Variants in SCHIP1 observed in about 807,000 individuals in gnomAD.
The protein encoded by SCHIP1 is schwannomin interacting protein 1.
In SCHIP1, 8 loss-of-function variants were observed where a neutral mutation model predicts 29.7. The ratio of observed to expected loss-of-function variants is 0.27; its 90% CI spans 0.16 to 0.49. The LOEUF (loss-of-function observed/expected upper bound fraction) is 0.49. SCHIP1 is among the 20% of genes least tolerant of loss of function. The pLI is 0.99. For missense variants in SCHIP1, 193 were observed against 294.6 expected, an observed-to-expected ratio of 0.66 and a Z score of 2.52; for synonymous variants, 76 against 94.9, an observed-to-expected ratio of 0.80 and a Z score of 1.16.
At chr3:159,564,865 G>A in the SCHIP1 span, among the ~76,000 whole-genome samples, 1 of 152,174 alleles carries the variant, frequency 6.6e-6, no homozygotes, top group Non-Finnish European at 1.5e-5. Context: ...GAATTTTGAT[G>A]GACATTTGGT....
At chr3:159,493,171 G>T in the SCHIP1 span, among the ~76,000 whole-genome samples, 1 of 152,128 alleles carries the variant, frequency 6.6e-6, no homozygotes, top group Non-Finnish European at 1.5e-5. Context: ...AGACCATCAA[G>T]GCTAGGAAGA....
the SCHIP1 span, among the ~76,000 whole-genome samples, chr3:159,643,444 G>A: frequency 2.0e-5 from 3 of 151,982 alleles, no homozygotes; most frequent in East Asian, 5.8e-4. Flanking sequence ...TTTACAACAG[G>A]AGCCATTACT....
the SCHIP1 span, among the ~76,000 whole-genome samples, chr3:159,657,040 G>A: frequency 4.6e-5 from 7 of 151,960 alleles, no homozygotes; most frequent in African/African-American, 1.5e-4. Context: ...TGCCAATCTC[G>A]AATGCACACA....
the SCHIP1 span, among the ~76,000 whole-genome samples, chr3:159,640,027 A>G: frequency 6.6e-6 from 1 of 152,208 alleles, no homozygotes; most frequent in East Asian, 1.9e-4. Context: ...TTTAGTACAA[A>G]GCAAGTATCT....
At chr3:159,397,654 C>G in the SCHIP1 span, among the ~76,000 whole-genome samples, 308 of 152,274 alleles carry the variant, frequency 2.0e-3, no homozygotes, top group African/African-American at 6.8e-3. Context: ...GTCAGGGACC[C>G]ACTTGAGGAG....
the SCHIP1 span, among the ~76,000 whole-genome samples, chr3:159,555,534 T>G: frequency 6.6e-6 from 1 of 152,248 alleles, no homozygotes; most frequent in African/African-American, 2.4e-5. Context: ...GGGTAATTTG[T>G]AACCCATCTA....
the SCHIP1 span, among the ~76,000 whole-genome samples, chr3:159,584,030 C>A: frequency 6.6e-6 from 1 of 152,156 alleles, no homozygotes; most frequent in African/African-American, 2.4e-5. Context: ...ATAATTCAGA[C>A]CTCATCTTGC....
chr3:159,362,705 C>G, the SCHIP1 span, among the ~76,000 whole-genome samples: 3 of 152,304 alleles, frequency 2.0e-5, no homozygotes, highest in Admixed American at 6.5e-5. Context: ...GGATTTCCCC[C>G]CCGGCCATGA....
the SCHIP1 span, among the ~76,000 whole-genome samples, chr3:159,785,441 C>T: frequency 6.6e-6 from 1 of 152,286 alleles, no homozygotes; most frequent in East Asian, 1.9e-4. Flanking sequence ...ATGTTTCCTT[C>T]TTCCTACATA....
the SCHIP1 span, among the ~76,000 whole-genome samples, chr3:159,382,508 T>G: frequency 2.6e-5 from 4 of 152,190 alleles, no homozygotes; most frequent in South Asian, 8.3e-4. Flanking sequence ...AGTCTATCAT[T>G]GTTGGATATT....
At chr3:159,449,458 G>A in the SCHIP1 span, among the ~76,000 whole-genome samples, 9 of 152,092 alleles carry the variant, frequency 5.9e-5, no homozygotes, top group African/African-American at 1.9e-4. Context: ...TGAGGCTCAG[G>A]ATTCCAATAG....
At chr3:159,574,308 A>T in the SCHIP1 span, among the ~76,000 whole-genome samples, 1 of 152,058 alleles carries the variant, frequency 6.6e-6, no homozygotes, top group Non-Finnish European at 1.5e-5. Context: ...TGTAGATGAC[A>T]TTTTTGTTGA....
At chr3:159,373,774 T>C in the SCHIP1 span, among the ~76,000 whole-genome samples, 2 of 152,100 alleles carry the variant, frequency 1.3e-5, no homozygotes, top group African/African-American at 4.8e-5. Flanking sequence ...ACATTGTGTA[T>C]ATATATATGT....
the SCHIP1 span, among the ~76,000 whole-genome samples, chr3:159,791,964 T>C: frequency 2.0e-5 from 3 of 152,234 alleles, no homozygotes; most frequent in Non-Finnish European, 4.4e-5. Context: ...CTTATTTAAC[T>C]TTTGACATTT....
the SCHIP1 span, among the ~76,000 whole-genome samples, chr3:159,333,337 T>C: frequency 6.6e-6 from 1 of 152,164 alleles, no homozygotes; most frequent in Admixed American, 6.5e-5. Context: ...AATGACAAAA[T>C]AAATGTGAGA....
intron 1 of SCHIP1, among the ~76,000 whole-genome samples, chr3:159,841,913 A>G (rs1034357440): frequency 2.0e-5 from 3 of 152,224 alleles, no homozygotes; most frequent in Non-Finnish European, 2.9e-5. Context: ...CTACATGTGT[A>G]TGTTCTTTTG....
At chr3:159,832,447 C>G in the SCHIP1 span, among the ~76,000 whole-genome samples, 6 of 152,186 alleles carry the variant, frequency 3.9e-5, 1 homozygote, top group African/African-American at 1.4e-4. Context: ...TAAACATCAG[C>G]TACATTGGCA....
the SCHIP1 span, among the ~76,000 whole-genome samples, chr3:159,750,253 ATGTG>A: frequency 3.1e-5 from 1 of 32,488 alleles, no homozygotes; most frequent in East Asian, 6.2e-4. Flanking sequence ...ATAGGTGTGT[ATGTG>A]TGTGTGTATA....
the SCHIP1 span, among the ~76,000 whole-genome samples, chr3:159,511,542 C>G: frequency 2.0e-5 from 3 of 152,182 alleles, no homozygotes; most frequent in Admixed American, 6.5e-5. Context: ...GCAGAAATCA[C>G]CCATCTTCTG....
Sources: allele counts gnomAD v4.1 joint callset (sites outside exome capture counted in the v4.1 genomes callset), GRCh38; gene constraint gnomAD v4.1.1; transcripts MANE v1.5; gene names NCBI Gene and HGNC (gene_info 2026-07-23, HGNC 2026-07-21).